The following WNK4 variants were observed in gnomAD, a reference collection of about 807,000 sequenced individuals.
WNK4 encodes WNK lysine deficient protein kinase 4.
Under a neutral mutation model 116.2 loss-of-function variants are expected in WNK4, and 94 were observed. That is an observed-to-expected ratio of 0.81 (90% CI 0.68 to 0.96). WNK4 has a LOEUF of 0.96. Among genes scored for constraint, WNK4 ranks in the 40% least tolerant of loss-of-function variants. The pLI is 0.00. For missense variants in WNK4, 1,542 were observed against 1,650.6 expected (o/e 0.93, Z 1.14); for synonymous variants, 655 against 672.7 (o/e 0.97, Z 0.41).
chr17:42,784,529 C>T lies in WNK4; in HGVS notation c.1120C>T (p.Pro374Ser). 8.7e-6 allele frequency: 14 copies of T among 1,614,024 alleles called. No individual in the cohort carries two copies. The highest frequency in any genetic ancestry group is 1.2e-5 in the Non-Finnish European group (14 of 1,179,996). Residue 374 changes from proline (P) to serine (S), a missense_variant, in exon 4 of 19, where the codon CCG (proline) becomes TCG (serine). Physicochemically the swap from Pro to Ser is moderately conservative, Grantham distance 74 (BLOSUM62 -1). Around this residue, in one of 7 missense-constraint regions of WNK4, gnomAD observed 808 missense variants for 873.6 expected, o/e 0.92. Coordinates refer to ENST00000246914, the MANE Select transcript of WNK4 (RefSeq NM_032387.5). The surrounding 1 kb of genome is among the most constrained non-coding windows in gnomAD (Gnocchi z 4.4). ...GCTGGAGATGGCCACCTCTGAGTAC[C>T]CGTACTCCGAGTGCCAGAATGCCGC... is the stretch of plus-strand genomic sequence containing the variant. ...CMLEMATSEY[P>S]YSECQNAAQI...
chr17:42,794,278 G>T, intron 12 of WNK4: 1 of 401,370 alleles, frequency 2.5e-6, no homozygotes. Flanking sequence ...GACTTGTGGA[G>T]AGAAGTTGCA....
chr17:42,786,488 G>T (rs149711136), intron 6 of WNK4, among the ~76,000 whole-genome samples: 2,861 of 152,238 alleles, frequency 0.019, 71 homozygotes, highest in African/African-American at 0.061. Flanking sequence ...CGCCTCCTGG[G>T]TTCAAGCAAT....
rs766371189 is a variant in WNK4, at chr17:42,785,364, T to A, written c.1358T>A (p.Leu453His). 1 of 1,607,282 alleles carries A rather than the reference T, an allele frequency of 6.2e-7. No individual in the cohort carries two copies. Among genetic ancestry groups the A allele is most frequent in the Non-Finnish European group, 8.5e-7 (1 of 1,176,998 alleles). Residue 453 changes from leucine to histidine, a missense_variant, in exon 6 of 19, where the codon CTC becomes CAC. Physicochemically the swap from Leu to His is moderately conservative, Grantham distance 99. Around this residue, in one of 7 missense-constraint regions of WNK4, gnomAD observed 808 missense variants for 873.6 expected, o/e 0.92. Transcript: ENST00000246914. ...GAGGACGACGGCGAGAAGCCGGGCC[T>A]CAAGCTCTGGCTGCGCATGGAGGAC... is the stretch of plus-strand genomic sequence containing the variant. ...AEEDDGEKPG[L>H]KLWLRMEDAR...
intron 12 of WNK4, chr17:42,794,013 C>T (rs1025637809): frequency 2.6e-5 from 10 of 382,296 alleles, no homozygotes; most frequent in Non-Finnish European, 4.4e-5. Context: ...CCACCACACC[C>T]GGCTAATTTT....
chr17:42,785,986 T>C (rs1276312672), intron 6 of WNK4, among the ~76,000 whole-genome samples: 2 of 152,216 alleles, frequency 1.3e-5, no homozygotes, highest in African/African-American at 4.8e-5. Flanking sequence ...GGGCAGAGAC[T>C]GTGTTTTATC....
rs1028992331 is a variant in WNK4 at position 42,797,058 on chromosome 17, A to G, written c.*370A>G. 12 of 313,032 alleles carry G rather than the reference A, an allele frequency of 3.8e-5. No homozygotes were observed. The East Asian group carries it at 7.9e-4, about 21-fold the overall frequency. 19.4% of individuals were successfully genotyped at this position (313,032 alleles called of 1,614,324 possible). A position where few individuals can be genotyped will look rare whatever the true frequency, so the allele number is the denominator to read the frequency against. Reference sequence around the variant, plus strand: ...TAGCAGCAACCAATAAAAATGCTGGAAACAAGAACGCCGTGAATCCATATG... The same window carrying G: ...TAGCAGCAACCAATAAAAATGCTGGGAACAAGAACGCCGTGAATCCATATG... On this transcript the variant is annotated 3_prime_UTR_variant, in exon 19 of 19. Coordinates refer to ENST00000246914, the MANE Select transcript of WNK4 (RefSeq NM_032387.5).
At chr17:42,785,212 T>C (rs1171004970) in intron 5 of WNK4, 27 bp downstream of exon 5, 2 of 1,611,616 alleles carry the variant, frequency 1.2e-6, no homozygotes, top group South Asian at 2.2e-5. Flanking sequence ...AGAGCGTGGG[T>C]AGAATAGGGC....
chr17:42,784,729 C>A lies in WNK4; in HGVS notation c.1170+150C>A, dbSNP rs1212666074. 5 of 935,278 alleles carry A rather than the reference C, an allele frequency of 5.3e-6. No homozygotes were observed. Among genetic ancestry groups the A allele is most frequent in the Non-Finnish European group, 8.3e-6 (5 of 604,264 alleles). The allele number at this position is 935,278 out of a possible 1,614,324, so 57.9% of individuals were successfully genotyped here. A position where few individuals can be genotyped will look rare whatever the true frequency, so the allele number is the denominator to read the frequency against. On this transcript the variant is annotated intron_variant, in intron 4 of 18. Coordinates refer to ENST00000246914, the MANE Select transcript of WNK4 (RefSeq NM_032387.5). This position sits in a 1 kb window ranked among gnomAD's most constrained non-coding sequence, Gnocchi z 4.4. Reference sequence around the variant, plus strand: ...TGAACACAGAAGGATATTGAGTGCACACGCGCCCCCACCAGTACACGCTAT... The same window carrying A: ...TGAACACAGAAGGATATTGAGTGCAAACGCGCCCCCACCAGTACACGCTAT...
chr17:42,787,637 C>T, intron 7 of WNK4, 95 bp downstream of exon 7: 1 of 1,594,612 alleles, frequency 6.3e-7, no homozygotes, highest in South Asian at 1.1e-5. Context: ...ACTTACCCTG[C>T]CTTCCACCTC....
chr17:42,780,806 C>T lies in WNK4; in HGVS notation c.108C>T (p.Leu36=), dbSNP rs1239627880. 1.2e-6 allele frequency: 2 copies of T among 1,602,628 alleles called. No homozygotes were observed. Among genetic ancestry groups the T allele is most frequent in the Middle Eastern group, 1.7e-4 (1 of 5,830 alleles). Residue 36 remains leucine, a synonymous_variant, in exon 1 of 19, where the codon CTC becomes CTT. Coordinates refer to ENST00000246914, the MANE Select transcript of WNK4 (RefSeq NM_032387.5). ...PPLGTAGQPR[L]GPPPRRARRF... Reference sequence around the variant, plus strand: ...TTGGCACCGCGGGGCAGCCCCGCCTCGGGCCCCCTCCTCGCCGAGCGCGCC... The same window carrying T: ...TTGGCACCGCGGGGCAGCCCCGCCTTGGGCCCCCTCCTCGCCGAGCGCGCC...
rs2054514114 is a variant in WNK4, at chr17:42,784,025, C to T, written c.880C>T (p.Arg294Trp). 2 of 1,614,076 alleles carry T rather than the reference C, an allele frequency of 1.2e-6. No individual in the cohort carries two copies. Among genetic ancestry groups the T allele is most frequent in the African/African-American group, 1.3e-5 (1 of 75,046 alleles). Reference protein sequence around the residue: ...ILRGLHFLHSRVPPILHRDLK... With the variant: ...ILRGLHFLHSWVPPILHRDLK... ...GCGGGGACTTCATTTCCTACACTCCCGGGTTCCTCCCATCCTGCACCGGGA... is the reference window on the plus strand; with the variant it reads ...GCGGGGACTTCATTTCCTACACTCCTGGGTTCCTCCCATCCTGCACCGGGA... Residue 294 changes from arginine (R) to tryptophan (W), a missense_variant, in exon 3 of 19, where the codon CGG (arginine) becomes TGG (tryptophan). Coordinates refer to ENST00000246914, the MANE Select transcript of WNK4 (RefSeq NM_032387.5). The surrounding 1 kb of genome is among the most constrained non-coding windows in gnomAD (Gnocchi z 4.4).
rs754981787 is a variant in WNK4 at position 42,795,521 on chromosome 17, G to A, written c.3022G>A (p.Glu1008Lys). Residue 1008 changes from glutamate to lysine, a missense_variant and splice_region_variant, in exon 15 of 19, where the codon GAG (glutamate) becomes AAG (lysine). Around this residue, in one of 7 missense-constraint regions of WNK4, gnomAD observed 292 missense variants for 290.1 expected, o/e 1.01. Coordinates refer to ENST00000246914, the MANE Select transcript of WNK4 (RefSeq NM_032387.5). ...AGCCAGGCTGGCGCCCATCTCTGAA[G>A]GTAAGGCCTCTGACCACTGACCTTC... is the stretch of plus-strand genomic sequence containing the variant. ...GEARLAPISE[E>K]GKPQLVGRFQ... is the part of the protein sequence containing the mutation. 5.0e-6 allele frequency: 8 copies of A among 1,614,218 alleles called. No homozygotes were observed. The East Asian group carries it at 1.3e-4, about 27-fold the overall frequency.
chr17:42,795,105 C>G lies in WNK4; in HGVS notation c.2684C>G (p.Thr895Ser). ...PTTSPPTFSP[T>S]CSQVTLSSPF... ...ACTTCTCCACCTACGTTCTCTCCCA[C>G]TTGTTCTCAGGTCACTCTTAGTTCC... The change falls in exon 14 of 19, where the codon ACT becomes AGT. Residue 895 changes from threonine (T) to serine (S), a missense_variant. Around this residue, in one of 7 missense-constraint regions of WNK4, gnomAD observed 292 missense variants for 290.1 expected, o/e 1.01. Coordinates refer to ENST00000246914, the MANE Select transcript of WNK4 (RefSeq NM_032387.5). The G allele has an allele frequency of 6.2e-7, 1 of 1,614,132 alleles. No homozygotes were observed. Among genetic ancestry groups the G allele is most frequent in the Non-Finnish European group, 8.5e-7 (1 of 1,180,038 alleles).
At chr17:42,789,259 T>C (rs1286625594) in intron 11 of WNK4, among the ~76,000 whole-genome samples, 1 of 152,098 alleles carries the variant, frequency 6.6e-6, no homozygotes, top group Non-Finnish European at 1.5e-5. Context: ...GAGGGCTTCA[T>C]GAGGAAACCA....
chr17:42,788,434 A>T (rs760925233), intron 10 of WNK4, 27 bp downstream of exon 10: 2 of 1,604,574 alleles, frequency 1.2e-6, no homozygotes, highest in Non-Finnish European at 1.7e-6. Context: ...GGAGATAGAG[A>T]GTAACCTACA....
intron 6 of WNK4, 32 bp downstream of exon 6, chr17:42,785,514 A>G (rs1201786537): frequency 6.4e-7 from 1 of 1,551,116 alleles, no homozygotes. Flanking sequence ...CTGCCACTGG[A>G]CGTGTAAAGG....
chr17:42,792,321 C>T (rs2054615012), intron 11 of WNK4, among the ~76,000 whole-genome samples: 1 of 152,184 alleles, frequency 6.6e-6, no homozygotes, highest in Admixed American at 6.5e-5. Context: ...GAAACTGCTC[C>T]AGCTTCCCCC....
chr17:42,795,999 G>T lies in WNK4; in HGVS notation c.3397G>T (p.Glu1133Ter), dbSNP rs2054666059. 1 of 1,613,830 alleles carries T rather than the reference G, an allele frequency of 6.2e-7. No individual in the cohort carries two copies. Among genetic ancestry groups the T allele is most frequent in the Non-Finnish European group, 8.5e-7 (1 of 1,180,036 alleles). Reference protein sequence around the residue: ...EESESSGEDEEFWAELQSLRQ... With the variant: ...EESESSGEDE The stretch of plus-strand genomic sequence containing the variant: ...GTCAGAAAGCAGTGGGGAAGATGAG[G>T]AGTTCTGGGCTGAGCTGCAGAGTCT... The change falls in exon 16 of 19, where the codon GAG (glutamate) becomes TAG (stop). Residue 1133 changes from glutamate to a stop codon, truncating the protein, a stop_gained. Transcript: ENST00000246914. LOFTEE classifies it high-confidence loss of function.
chr17:42,792,130 G>A (rs1232621005), intron 11 of WNK4, among the ~76,000 whole-genome samples: 1 of 152,134 alleles, frequency 6.6e-6, no homozygotes, highest in Non-Finnish European at 1.5e-5. Context: ...AATGAACTTA[G>A]GCAAGTTTCT....
Sources: gnomAD v4.1 joint callset for allele counts (sites outside exome capture counted in the v4.1 genomes callset) on GRCh38, gnomAD v4.1.1 for gene constraint, gnomAD v4.1.1 regional missense constraint, Gnocchi (gnomAD v3.1) non-coding constraint, MANE v1.5 for transcripts, NCBI Gene and HGNC (gene_info 2026-07-23, HGNC 2026-07-21) for gene names.